LIMCH1: variants seen among roughly 807,000 people sequenced by gnomAD.
LIMCH1 encodes the protein LIM and calponin homology domains 1.
A neutral mutation model predicts 176.5 loss-of-function variants in LIMCH1; 113 were observed. The observed-to-expected ratio is 0.64, with a 90% CI of 0.55 to 0.75. LIMCH1 has a LOEUF of 0.75. Ranked by LOEUF, LIMCH1 falls within the 30% of genes least tolerant of loss-of-function variation. LIMCH1 has a pLI of 0.00. For synonymous variants in LIMCH1, 619 were observed against 645.9 expected (o/e 0.96, Z 0.63); for missense variants, 1,674 against 1,814.9 (o/e 0.92, Z 1.41).
At chr4:41,546,046 A>G (rs1019891439) in intron 1 of LIMCH1, among the ~76,000 whole-genome samples, 6 of 152,192 alleles carry the variant, frequency 3.9e-5, no homozygotes, top group Non-Finnish European at 5.9e-5. Context: ...TTCTAAGCAG[A>G]TATTTGATGA....
chr4:41,673,556 G>T (rs2095121455), intron 22 of LIMCH1, among the ~76,000 whole-genome samples: 2 of 152,192 alleles, frequency 1.3e-5, no homozygotes, highest in South Asian at 4.1e-4. Flanking sequence ...GAGGAGATAA[G>T]CATTAGATTA....
chr4:41,618,994 AT>A (rs887372477), intron 5 of LIMCH1, among the ~76,000 whole-genome samples, 193 bp from the exon 6 acceptor site: 1 of 151,792 alleles, frequency 6.6e-6, no homozygotes, highest in African/African-American at 2.4e-5. Context: ...TTTTTTCCTG[AT>A]TTTTTTCCTT....
chr4:41,412,793 G>A (rs2059605046), intron 1 of LIMCH1, among the ~76,000 whole-genome samples: 1 of 152,162 alleles, frequency 6.6e-6, no homozygotes, highest in African/African-American at 2.4e-5. Context: ...CCTTCTGGCT[G>A]AGTGGATGGC....
chr4:41,598,833 C>G (rs373020861), intron 1 of LIMCH1, 87 bp from the exon 2 acceptor site: 7 of 724,540 alleles, frequency 9.7e-6, no homozygotes, highest in South Asian at 5.6e-5. Context: ...GCCTTAGTGA[C>G]CAGTATCCCT....
intron 22 of LIMCH1, among the ~76,000 whole-genome samples, chr4:41,672,323 T>C (rs1189364938): frequency 6.6e-6 from 1 of 151,970 alleles, no homozygotes; most frequent in Non-Finnish European, 1.5e-5. Flanking sequence ...TGAGCCAAGA[T>C]CACACTACTG....
At chr4:41,593,533 C>A (rs933876466) in intron 1 of LIMCH1, among the ~76,000 whole-genome samples, 1 of 152,180 alleles carries the variant, frequency 6.6e-6, no homozygotes, top group Non-Finnish European at 1.5e-5. Flanking sequence ...CACAATCCTA[C>A]CTAGTTGAAT....
At chr4:41,556,553 G>C (rs1463969711) in intron 1 of LIMCH1, among the ~76,000 whole-genome samples, 2 of 152,082 alleles carry the variant, frequency 1.3e-5, no homozygotes, top group Non-Finnish European at 2.9e-5. Flanking sequence ...ACACTGGGCA[G>C]TTTACATCTA....
intron 1 of LIMCH1, among the ~76,000 whole-genome samples, chr4:41,418,538 G>A (rs1186662023): frequency 4.9e-5 from 7 of 143,784 alleles, no homozygotes; most frequent in Non-Finnish European, 7.4e-5. Flanking sequence ...GAGCTGTGCC[G>A]AGAGAAGCAG....
chr4:41,435,681 T>G (rs2062013015), intron 1 of LIMCH1, among the ~76,000 whole-genome samples: 1 of 152,180 alleles, frequency 6.6e-6, no homozygotes, highest in African/African-American at 2.4e-5. Flanking sequence ...GCAAGAACAT[T>G]GAGGGGTAAG....
intron 1 of LIMCH1, among the ~76,000 whole-genome samples, chr4:41,553,028 G>C (rs1197157880): frequency 6.6e-6 from 1 of 152,134 alleles, no homozygotes; most frequent in African/African-American, 2.4e-5. Flanking sequence ...GTAATTATGG[G>C]GTTAACGTGA....
chr4:41,465,870 C>T lies in LIMCH1; in HGVS notation c.97-28666C>T, dbSNP rs77678082. 5.0e-3 allele frequency among the ~76,000 whole-genome samples: 754 copies of T among 152,128 alleles called. 6 individuals are homozygous for T. The highest frequency in any genetic ancestry group is 0.017 in the African/African-American group (726 of 41,504). The stretch of plus-strand genomic sequence containing the variant: ...CCATACCCATTCGTTGTATCTATTG[C>T]CTATGCCTGTTTTCACACTACAGTG... On this transcript the variant is annotated intron_variant, in intron 1 of 26. Coordinates refer to the LIMCH1 transcript ENST00000313860.
At chr4:41,375,772 C>T (rs1427888099) in intron 1 of LIMCH1, among the ~76,000 whole-genome samples, 4 of 152,294 alleles carry the variant, frequency 2.6e-5, no homozygotes, top group Admixed American at 6.5e-5. Context: ...ATTGGCACAG[C>T]GCAGCTGGGT....
intron 1 of LIMCH1, among the ~76,000 whole-genome samples, chr4:41,373,267 C>A (rs2054248665): frequency 6.6e-6 from 1 of 152,170 alleles, no homozygotes; most frequent in Non-Finnish European, 1.5e-5. Flanking sequence ...ATGTTCTAGG[C>A]AAACACTTCA....
At chr4:41,590,894 T>C (rs957015428) in intron 1 of LIMCH1, among the ~76,000 whole-genome samples, 3 of 152,230 alleles carry the variant, frequency 2.0e-5, no homozygotes, top group Admixed American at 6.5e-5. Context: ...GCAGCAACTG[T>C]GAACACACGG....
chr4:41,381,028 A>G (rs2055581215), intron 1 of LIMCH1, among the ~76,000 whole-genome samples: 1 of 152,216 alleles, frequency 6.6e-6, no homozygotes, highest in African/African-American at 2.4e-5. Flanking sequence ...CAAATGTCCT[A>G]ATTTATTCAT....
chr4:41,691,592 CAAAAAAAAAAAAAAAA>C (rs796984431), intron 30 of LIMCH1, among the ~76,000 whole-genome samples: 1 of 62,392 alleles, frequency 1.6e-5, no homozygotes, highest in Admixed American at 2.0e-4. Flanking sequence ...ACTAAAAATA[CAAAAAAAAAAAAAAAA>C]AAAAAATAGC....
chr4:41,421,522 A>G (rs2060606255), intron 1 of LIMCH1, among the ~76,000 whole-genome samples: 1 of 152,206 alleles, frequency 6.6e-6, no homozygotes, highest in African/African-American at 2.4e-5. Flanking sequence ...ATCACACACT[A>G]TTTGAAGTAG....
rs571213142 is a variant in LIMCH1, at chr4:41,450,720, G to A, written c.97-43816G>A. 3.8e-4 allele frequency among the ~76,000 whole-genome samples: 57 copies of A among 150,062 alleles called. No homozygotes were observed. The South Asian group carries it at 0.011, about 29-fold the overall frequency. On this transcript the variant is annotated intron_variant, in intron 1 of 26. Transcript: ENST00000313860. The stretch of plus-strand genomic sequence containing the variant: ...TGAGGCAGGAGAATTGTTTGAACCC[G>A]GTAGGCAGAGGTTGCAGTGAGCTGA...
chr4:41,543,349 G>T (rs1583776555), intron 1 of LIMCH1, among the ~76,000 whole-genome samples: 2 of 152,080 alleles, frequency 1.3e-5, no homozygotes, highest in African/African-American at 4.8e-5. Context: ...ATATGTTTGA[G>T]TGTATTGTTA....
Sources: allele counts gnomAD v4.1 joint callset (sites outside exome capture counted in the v4.1 genomes callset), GRCh38; gene constraint gnomAD v4.1.1; transcripts MANE v1.5; gene names NCBI Gene and HGNC (gene_info 2026-07-23, HGNC 2026-07-21).